The following MAT2A variants were observed in gnomAD, a reference collection of about 807,000 sequenced individuals.
MAT2A encodes S-adenosylmethionine synthase isoform type-2.
In MAT2A, 3 loss-of-function variants were observed where a neutral mutation model predicts 43.9. The ratio of observed to expected loss-of-function variants is 0.07; its 90% CI spans 0.03 to 0.18. The LOEUF (loss-of-function observed/expected upper bound fraction) is 0.18. MAT2A is among the 10% of genes least tolerant of loss of function. The pLI is 1.00. For missense variants in MAT2A, 204 were observed against 489.0 expected (o/e 0.42, Z 5.50); for synonymous variants, 200 against 168.4 (o/e 1.19, Z -1.45).
chr2:85,542,206 C>G lies in MAT2A; in HGVS notation c.601C>G (p.His201Asp). ...AGGTGCTGTGCTTCCCATCAGAGTCCACACAATTGTTATATCTGTTCAGCA... is the reference window on the plus strand; with the variant it reads ...AGGTGCTGTGCTTCCCATCAGAGTCGACACAATTGTTATATCTGTTCAGCA... ...DRGAVLPIRV[H>D]TIVISVQHDE... Residue 201 changes from histidine (H) to aspartate (D), a missense_variant, in exon 6 of 9, where the codon CAC becomes GAC. Around this residue, in one of 6 missense-constraint regions of MAT2A, gnomAD observed 103 missense variants for 226.4 expected, o/e 0.45. Coordinates refer to ENST00000306434, the MANE Select transcript of MAT2A (RefSeq NM_005911.6). The G allele has an allele frequency of 6.2e-7, 1 of 1,614,114 alleles. No homozygotes were observed. The highest frequency in any genetic ancestry group is 8.5e-7 in the Non-Finnish European group (1 of 1,180,026).
chr2:85,543,539 T>C (rs1323680495), intron 8 of MAT2A, 131 bp from the exon 9 acceptor site: 3 of 624,490 alleles, frequency 4.8e-6, no homozygotes, highest in East Asian at 2.8e-5. Context: ...GTAACACTTT[T>C]GCCACAAATT....
chr2:85,543,962 C>T lies in MAT2A; in HGVS notation c.*190C>T. Reference sequence around the variant, plus strand: ...TGTAAGTTGGGCTTGCTATTCTGTCCCTAGGTGTTTTGTTCACCATTATAA... The same window carrying T: ...TGTAAGTTGGGCTTGCTATTCTGTCTCTAGGTGTTTTGTTCACCATTATAA... On this transcript the variant is annotated 3_prime_UTR_variant, in exon 9 of 9. Coordinates refer to ENST00000306434, the MANE Select transcript of MAT2A (RefSeq NM_005911.6). The T allele has an allele frequency of 1.9e-6, 1 of 524,354 alleles. No individual in the cohort carries two copies. Among genetic ancestry groups the T allele is most frequent in the Non-Finnish European group, 3.4e-6 (1 of 290,656 alleles). The allele number at this position is 524,354 out of a possible 1,614,324, so 32.5% of individuals were successfully genotyped here. A position where few individuals can be genotyped will look rare whatever the true frequency, so the allele number is the denominator to read the frequency against.
chr2:85,539,208 T>A lies in MAT2A; in HGVS notation c.-80T>A. On this transcript the variant is annotated 5_prime_UTR_variant, in exon 1 of 9. Transcript: ENST00000306434. ...CCCGCCTGCTACGAGTAGAACGCTGTCCGCAGCTTGCGCATTTCGCAGCCG... is the reference window on the plus strand; with the variant it reads ...CCCGCCTGCTACGAGTAGAACGCTGACCGCAGCTTGCGCATTTCGCAGCCG... 2.0e-6 allele frequency: 2 copies of A among 1,015,356 alleles called. No homozygotes were observed. The highest frequency in any genetic ancestry group is 3.0e-6 in the Non-Finnish European group (2 of 668,924). The allele number at this position is 1,015,356 out of a possible 1,614,324, so 62.9% of individuals were successfully genotyped here.
At position 85,543,754 on chromosome 2, in the gene MAT2A, C is replaced by T. The variant is rs368817937; in HGVS notation, c.1170C>T (p.Pro390=). The change falls in exon 9 of 9, where the codon CCC becomes CCT. Residue 390 remains proline (P), a synonymous_variant. Transcript: ENST00000306434. Reference sequence around the variant, plus strand: ...GGGACAGCTTCCCATGGGAAGTGCCCAAAAAGCTTAAATATTGAAAGTGTT... The same window carrying T: ...GGGACAGCTTCCCATGGGAAGTGCCTAAAAAGCTTAAATATTGAAAGTGTT... ...FGRDSFPWEV[P]KKLKY 20 of 1,606,846 alleles carry T rather than the reference C, an allele frequency of 1.2e-5. No homozygotes were observed. Among genetic ancestry groups the T allele is most frequent in the Non-Finnish European group, 1.7e-5 (20 of 1,175,426 alleles).
intron 5 of MAT2A, 67 bp from the exon 6 acceptor site, chr2:85,542,088 C>T: frequency 1.3e-6 from 2 of 1,580,288 alleles, no homozygotes; most frequent in South Asian, 1.1e-5. Flanking sequence ...ATTGTAACTT[C>T]AGGTAGAGAA....
At position 85,539,242 on chromosome 2, in the gene MAT2A, T is replaced by C. The variant is rs1573306118; in HGVS notation, c.-46T>C. On this transcript the variant is annotated 5_prime_UTR_variant, in exon 1 of 9. Transcript: ENST00000306434. ...TGCGCATTTCGCAGCCGCTGCCGCC[T>C]CGCCGCTGCTCCTTCGTAAGGCCAC... 7.1e-7 allele frequency: 1 copy of C among 1,410,286 alleles called. No homozygotes were observed. Among genetic ancestry groups the C allele is most frequent in the Non-Finnish European group, 9.9e-7 (1 of 1,013,798 alleles). 87.4% of individuals were successfully genotyped at this position (1,410,286 alleles called of 1,614,324 possible).
At chr2:85,540,696 C>T (rs1381976261) in intron 1 of MAT2A, among the ~76,000 whole-genome samples, 1 of 152,194 alleles carries the variant, frequency 6.6e-6, no homozygotes, top group African/African-American at 2.4e-5. Flanking sequence ...AAATGCTTTT[C>T]ATTTAATTGT....
rs528550929 is a variant in MAT2A at position 85,544,497 on chromosome 2, T to A, written c.*725T>A. On this transcript the variant is annotated 3_prime_UTR_variant, in exon 9 of 9. Coordinates refer to ENST00000306434, the MANE Select transcript of MAT2A (RefSeq NM_005911.6). ...CTTTTGGAGGACGTACGTAATAAGG[T>A]TTTAATTTAGTAAACCAATCCTATG... The A allele has an allele frequency of 2.0e-5, 3 of 152,540 alleles. No homozygotes were observed. Among genetic ancestry groups the A allele is most frequent in the Non-Finnish European group, 4.4e-5 (3 of 68,022 alleles). 9.4% of individuals were successfully genotyped at this position (152,540 alleles called of 1,614,324 possible).
At chr2:85,539,402 G>C (rs376438044) in intron 1 of MAT2A, 24 bp downstream of exon 1, 8 of 1,577,208 alleles carry the variant, frequency 5.1e-6, no homozygotes, top group Non-Finnish European at 6.9e-6. Flanking sequence ...CTGAAGCGAA[G>C]CGTGGGGCGG....
chr2:85,543,129 ACTC>A (rs1288851453), intron 8 of MAT2A, 95 bp downstream of exon 8: 10 of 1,298,342 alleles, frequency 7.7e-6, no homozygotes, highest in Admixed American at 4.6e-5. Context: ...GTGAAGGAAG[ACTC>A]CTCAAATGGG....
chr2:85,542,045 G>A, intron 5 of MAT2A, 73 bp downstream of exon 5: 1 of 1,590,712 alleles, frequency 6.3e-7, no homozygotes. Context: ...TTTGATAATA[G>A]CTAACTGGAA....
chr2:85,540,850 T>C (rs1691459308), intron 1 of MAT2A, among the ~76,000 whole-genome samples: 1 of 152,184 alleles, frequency 6.6e-6, no homozygotes, highest in Non-Finnish European at 1.5e-5. Flanking sequence ...ATAGGGCAAA[T>C]TCTGTTCTTT....
chr2:85,539,579 C>T, intron 1 of MAT2A: 3 of 465,638 alleles, frequency 6.4e-6, no homozygotes, highest in South Asian at 3.3e-5. Context: ...CTCCCCTCTC[C>T]ACCCTTCCCT....
Position 85,542,466 on chromosome 2 carries a change from T to A in MAT2A, c.768+93T>A, listed in dbSNP as rs547199119. 3.3e-6 allele frequency: 5 copies of A among 1,529,062 alleles called. No homozygotes were observed. In the East Asian group the frequency reaches 1.1e-4, roughly 34 times the overall value. The allele number at this position is 1,529,062 out of a possible 1,614,324, so 94.7% of individuals were successfully genotyped here. ...TTTCAGGCTTTCTGAAACCTACATG[T>A]GAATCATCGGAGGATATTTGCTGAA... On this transcript the variant is annotated intron_variant, in intron 6 of 8. Coordinates refer to ENST00000306434, the MANE Select transcript of MAT2A (RefSeq NM_005911.6).
rs143344527 is a variant in MAT2A, at chr2:85,539,168, G to C, written c.-120G>C. 1.4e-6 allele frequency: 1 copy of C among 735,580 alleles called. No individual in the cohort carries two copies. The highest frequency in any genetic ancestry group is 2.2e-6 in the Non-Finnish European group (1 of 446,730). The allele number at this position is 735,580 out of a possible 1,614,324, so 45.6% of individuals were successfully genotyped here. A position where few individuals can be genotyped will look rare whatever the true frequency, so the allele number is the denominator to read the frequency against. Reference sequence around the variant, plus strand: ...ACCGGGCCGCACCGCCCGCTGCTTCGTTCGCTCCGCGCCGCCCGCCTGCTA... The same window carrying C: ...ACCGGGCCGCACCGCCCGCTGCTTCCTTCGCTCCGCGCCGCCCGCCTGCTA... On this transcript the variant is annotated 5_prime_UTR_variant, in exon 1 of 9. Coordinates refer to ENST00000306434, the MANE Select transcript of MAT2A (RefSeq NM_005911.6).
chr2:85,542,529 A>T (rs746925380), intron 6 of MAT2A, 36 bp from the exon 7 acceptor site: 11 of 1,592,978 alleles, frequency 6.9e-6, no homozygotes, highest in Admixed American at 5.0e-5. Context: ...CTTGGAAAGC[A>T]CTAGGCGTAA....
rs372130578 is a variant in MAT2A, at chr2:85,543,757, A to G, written c.1173A>G (p.Lys391=). 19 of 1,606,860 alleles carry G rather than the reference A, an allele frequency of 1.2e-5. No individual in the cohort carries two copies. The highest frequency in any genetic ancestry group is 1.5e-5 in the Non-Finnish European group (18 of 1,175,396). Residue 391 remains lysine, a synonymous_variant, in exon 9 of 9, where the codon AAA becomes AAG. Transcript: ENST00000306434. ...GRDSFPWEVP[K]KLKY ...ACAGCTTCCCATGGGAAGTGCCCAA[A>G]AAGCTTAAATATTGAAAGTGTTAGC...
chr2:85,541,439 C>T (rs1573308078), intron 3 of MAT2A, 62 bp downstream of exon 3: 1 of 1,574,842 alleles, frequency 6.3e-7, no homozygotes, highest in East Asian at 2.2e-5. Flanking sequence ...TGAAGAAACT[C>T]CTAGAATGTT....
intron 1 of MAT2A, among the ~76,000 whole-genome samples, 150 bp from the exon 2 acceptor site, chr2:85,540,906 TAATGCAAACTTTGAATTTTAGGAGGAA>T (rs1691460892): frequency 6.6e-6 from 1 of 152,234 alleles, no homozygotes; most frequent in Non-Finnish European, 1.5e-5. Flanking sequence ...ATTAGATTTA[TAATGCAAACTTTGAATTTTAGGAGGAA>T]AGTGCAAACA....
Sources: gnomAD v4.1 joint callset for allele counts (sites outside exome capture counted in the v4.1 genomes callset) on GRCh38, gnomAD v4.1.1 for gene constraint, gnomAD v4.1.1 regional missense constraint, MANE v1.5 for transcripts, NCBI Gene and HGNC (gene_info 2026-07-23, HGNC 2026-07-21) for gene names.